The following IQCK variants were observed in gnomAD, a reference collection of about 807,000 sequenced individuals.
The protein encoded by IQCK is IQ motif containing K, also known as IQ domain-containing protein K.
IQCK carries 29 observed loss-of-function variants against 28.1 expected under a neutral mutation model. The observed-to-expected ratio is 1.03, with a 90% CI of 0.77 to 1.41. The LOEUF (loss-of-function observed/expected upper bound fraction) is 1.41. Ranked by LOEUF, IQCK falls within the 40% of genes most tolerant of loss-of-function variation. IQCK has a pLI of 0.00. For synonymous variants in IQCK, 113 were observed against 115.1 expected, an observed-to-expected ratio of 0.98 and a Z score of 0.12; for missense variants, 359 against 314.7, an observed-to-expected ratio of 1.14 and a Z score of -1.07.
intron 9 of IQCK, among the ~76,000 whole-genome samples, chr16:19,843,829 C>A (rs2056387055): frequency 6.6e-6 from 1 of 152,100 alleles, no homozygotes; most frequent in Non-Finnish European, 1.5e-5. Context: ...ATACCCTTAA[C>A]CTTAATCACC....
intron 7 of IQCK, among the ~76,000 whole-genome samples, chr16:19,803,308 A>G (rs1263837097): frequency 1.3e-5 from 2 of 152,000 alleles, no homozygotes; most frequent in Non-Finnish European, 2.9e-5. Flanking sequence ...GCACCCGGCT[A>G]ATTTTTGCAT....
chr16:19,848,214 C>G (rs1442691809), intron 9 of IQCK, among the ~76,000 whole-genome samples: 1 of 152,126 alleles, frequency 6.6e-6, no homozygotes, highest in African/African-American at 2.4e-5. Flanking sequence ...TGGTGGCTGT[C>G]TCATCGTGGC....
chr16:19,735,935 G>T (rs1009543703), intron 4 of IQCK, among the ~76,000 whole-genome samples: 1 of 151,874 alleles, frequency 6.6e-6, no homozygotes, highest in African/African-American at 2.4e-5. Flanking sequence ...GTGTGGTGGC[G>T]CATACCTGTA....
At chr16:19,763,156 A>G (rs1446181042) in intron 4 of IQCK, among the ~76,000 whole-genome samples, 1 of 152,210 alleles carries the variant, frequency 6.6e-6, no homozygotes, top group African/African-American at 2.4e-5. Context: ...CCCTACTACT[A>G]ATAGCCTACT....
At position 19,730,444 on chromosome 16, in the gene IQCK, C is replaced by T. The variant is rs759441073; in HGVS notation, c.196C>T (p.Gln66Ter). ...CTTCCCTTTAGAGTATGAAGCTGAG[C>T]AGCCTCCCTTTCCAGAAGGATATAA... The change falls in exon 2 of 8, where the codon CAG becomes TAG. Residue 66 changes from glutamine (Q) to a stop codon, truncating the protein, a stop_gained. Transcript: ENST00000564186. LOFTEE classifies it high-confidence loss of function. The T allele has an allele frequency of 6.2e-7, 1 of 1,608,538 alleles. No homozygotes were observed. Among genetic ancestry groups the T allele is most frequent in the Admixed American group, 1.7e-5 (1 of 59,256 alleles).
chr16:19,810,224 C>T (rs944711838), intron 7 of IQCK, among the ~76,000 whole-genome samples: 22 of 152,086 alleles, frequency 1.4e-4, no homozygotes, highest in African/African-American at 7.2e-5. Context: ...CGGCCAGGCG[C>T]GGTGGCTCAT....
chr16:19,735,428 C>T (rs1352159162), exon 4 of IQCK: 18 of 1,612,894 alleles, frequency 1.1e-5, no homozygotes, highest in African/African-American at 4.0e-5. Flanking sequence ...CTTCACCAAG[C>T]GAAGAAAGAA....
At chr16:19,813,474 A>G (rs539236418) in intron 7 of IQCK, among the ~76,000 whole-genome samples, 2 of 152,376 alleles carry the variant, frequency 1.3e-5, no homozygotes, top group East Asian at 3.9e-4. Context: ...TAGACTTCCA[A>G]TCAGCAGCAG....
At chr16:19,848,201 G>A (rs1356023804) in intron 9 of IQCK, among the ~76,000 whole-genome samples, 1 of 152,200 alleles carries the variant, frequency 6.6e-6, no homozygotes, top group African/African-American at 2.4e-5. Context: ...TCTGGTGGGT[G>A]TGTGGTGGCT....
downstream of IQCK, among the ~76,000 whole-genome samples, chr16:19,831,552 C>T (rs964650842): frequency 6.6e-6 from 1 of 151,894 alleles, no homozygotes; most frequent in Admixed American, 6.6e-5. Context: ...CAAAGGCTTG[C>T]AGTGAAGCAG....
At chr16:19,751,696 C>T (rs1408796089) in intron 4 of IQCK, among the ~76,000 whole-genome samples, 2 of 151,234 alleles carry the variant, frequency 1.3e-5, no homozygotes, top group African/African-American at 4.9e-5. Context: ...CTTGGCATGC[C>T]TTCTCCAAGC....
chr16:19,803,134 T>TTTTG (rs570910646), intron 7 of IQCK, among the ~76,000 whole-genome samples: 1 of 151,940 alleles, frequency 6.6e-6, no homozygotes, highest in Non-Finnish European at 1.5e-5. Context: ...TTTTGTTTTG[T>TTTTG]TTTGTTTGTT....
chr16:19,718,389 C>T lies in IQCK; in HGVS notation c.83C>T (p.Pro28Leu), dbSNP rs900108582. The T allele has an allele frequency of 1.1e-5, 18 of 1,606,202 alleles. No individual in the cohort carries two copies. The African/African-American group carries it at 1.5e-4, about 13-fold the overall frequency. Residue 28 changes from proline (P) to leucine (L), a missense_variant, in exon 1 of 8, where the codon CCG (proline) becomes CTG (leucine). Physicochemically the swap from Pro to Leu is moderately conservative, Grantham distance 98. Coordinates refer to ENST00000564186, the Ensembl canonical transcript of IQCK. ...ACAGACTCGTCGTTCACCCGGACGC[C>T]GGTGCCCACCGTGTCTCTCGCGTCC... is the stretch of plus-strand genomic sequence containing the variant.
chr16:19,731,376 C>T (rs912984898), intron 2 of IQCK, among the ~76,000 whole-genome samples: 1 of 152,212 alleles, frequency 6.6e-6, no homozygotes, highest in Non-Finnish European at 1.5e-5. Flanking sequence ...ACCTGTTTCT[C>T]GACTTCTATT....
chr16:19,750,571 C>T (rs1449508064), intron 4 of IQCK, among the ~76,000 whole-genome samples: 1 of 151,836 alleles, frequency 6.6e-6, no homozygotes, highest in African/African-American at 2.4e-5. Flanking sequence ...AAGCAACTCT[C>T]CTATCTCAGC....
At chr16:19,784,016 T>C (rs1235619996) in intron 6 of IQCK, among the ~76,000 whole-genome samples, 1 of 152,076 alleles carries the variant, frequency 6.6e-6, no homozygotes, top group African/African-American at 2.4e-5. Flanking sequence ...AAAACATACT[T>C]AAAGCAGGAA....
chr16:19,752,368 G>C (rs772889924), intron 4 of IQCK, among the ~76,000 whole-genome samples: 22 of 152,030 alleles, frequency 1.4e-4, no homozygotes, highest in Non-Finnish European at 2.6e-4. Flanking sequence ...AGCATTTTTT[G>C]ATAAAAGGCT....
intron 9 of IQCK, among the ~76,000 whole-genome samples, chr16:19,853,349 C>G (rs1228095278): frequency 6.6e-6 from 1 of 152,182 alleles, no homozygotes; most frequent in Non-Finnish European, 1.5e-5. Flanking sequence ...CTAGCTCATT[C>G]CTTTCTGCTC....
chr16:19,726,470 G>A (rs1199881658), intron 1 of IQCK, among the ~76,000 whole-genome samples: 1 of 151,832 alleles, frequency 6.6e-6, no homozygotes, highest in African/African-American at 2.4e-5. Context: ...CACATCTAAG[G>A]ATCCTACCAA....
Sources: allele counts gnomAD v4.1 joint callset (sites outside exome capture counted in the v4.1 genomes callset), GRCh38; gene constraint gnomAD v4.1.1; transcripts MANE v1.5; gene names NCBI Gene and HGNC (gene_info 2026-07-23, HGNC 2026-07-21).